The following ACCSL variants were observed in gnomAD, a reference collection of about 807,000 sequenced individuals.
ACCSL encodes 1-aminocyclopropane-1-carboxylate synthase homolog (inactive) like.
In ACCSL, 55 loss-of-function variants were observed where a neutral mutation model predicts 61.7. The observed-to-expected ratio is 0.89, with a 90% CI of 0.72 to 1.12. ACCSL has a LOEUF of 1.12. Ranked by LOEUF, ACCSL falls within the 50% of genes most tolerant of loss-of-function variation. The pLI is 0.00. For synonymous variants in ACCSL, 258 were observed against 264.3 expected (o/e 0.98, Z 0.23); for missense variants, 632 against 698.0 (o/e 0.91, Z 1.07).
the ACCSL span, among the ~76,000 whole-genome samples, chr11:43,988,051 G>A: frequency 6.6e-6 from 1 of 152,094 alleles, no homozygotes; most frequent in Admixed American, 6.5e-5. Flanking sequence ...AAGGATGAAT[G>A]TCCCTGATGC....
chr11:44,040,569 TA>T, the ACCSL span, among the ~76,000 whole-genome samples: 1 of 152,146 alleles, frequency 6.6e-6, no homozygotes, highest in South Asian at 2.1e-4. Flanking sequence ...GCCACAGTGG[TA>T]AACACATTCA....
chr11:43,997,922 G>A, the ACCSL span, among the ~76,000 whole-genome samples: 1 of 152,202 alleles, frequency 6.6e-6, no homozygotes, highest in African/African-American at 2.4e-5. Context: ...GGGAGAAGAG[G>A]TAGGAAACAG....
chr11:43,932,836 C>G, the ACCSL span, among the ~76,000 whole-genome samples: 1 of 152,364 alleles, frequency 6.6e-6, no homozygotes, highest in South Asian at 2.1e-4. Flanking sequence ...CTTCCCAGAA[C>G]TCGGAAGCGG....
At chr11:44,028,294 C>T in the ACCSL span, among the ~76,000 whole-genome samples, 179 of 152,132 alleles carry the variant, frequency 1.2e-3, 2 homozygotes, top group African/African-American at 4.1e-3. Context: ...CCCACAAGCC[C>T]TCAATTCTGA....
chr11:43,960,588 T>A, the ACCSL span, among the ~76,000 whole-genome samples: 1 of 152,160 alleles, frequency 6.6e-6, no homozygotes, highest in South Asian at 2.1e-4. Context: ...TTTCACCATG[T>A]TGGCCAGGCT....
the ACCSL span, among the ~76,000 whole-genome samples, chr11:43,982,899 C>T: frequency 1.9e-4 from 29 of 152,274 alleles, no homozygotes; most frequent in Middle Eastern, 6.8e-3. Context: ...CGGTGGGCTG[C>T]GGTACAGCTG....
chr11:43,978,240 C>T, the ACCSL span, among the ~76,000 whole-genome samples: 10 of 151,944 alleles, frequency 6.6e-5, no homozygotes, highest in Admixed American at 3.9e-4. Flanking sequence ...AAACTCCTGA[C>T]CTCAAGTGAT....
At chr11:43,980,303 G>C in the ACCSL span, among the ~76,000 whole-genome samples, 1 of 152,218 alleles carries the variant, frequency 6.6e-6, no homozygotes, top group Non-Finnish European at 1.5e-5. Context: ...ATTTCTGTAG[G>C]AGATGTTCTC....
At chr11:43,937,298 T>G in the ACCSL span, among the ~76,000 whole-genome samples, 3 of 152,124 alleles carry the variant, frequency 2.0e-5, no homozygotes, top group African/African-American at 7.2e-5. Flanking sequence ...AAGAAGACCC[T>G]TTAGATAATG....
chr11:43,951,756 C>T, the ACCSL span, among the ~76,000 whole-genome samples: 1 of 152,138 alleles, frequency 6.6e-6, no homozygotes, highest in Non-Finnish European at 1.5e-5. Context: ...GTAATCCCAC[C>T]CTGGGAGGCC....
chr11:44,050,929 C>T (rs1952633657), intron 3 of ACCSL, among the ~76,000 whole-genome samples: 1 of 151,104 alleles, frequency 6.6e-6, no homozygotes, highest in Non-Finnish European at 1.5e-5. Context: ...GCAGGCTCTG[C>T]CCCCTGGGTT....
the ACCSL span, among the ~76,000 whole-genome samples, chr11:43,930,056 G>T: frequency 6.6e-6 from 1 of 152,184 alleles, no homozygotes; most frequent in African/African-American, 2.4e-5. Context: ...AGAAGGAGCA[G>T]CCCTGAGAGG....
rs749632904 is a variant in ACCSL at position 44,056,071 on chromosome 11, T to A, written c.1171T>A (p.Trp391Arg). Reference sequence around the variant, plus strand: ...TGATAGCAACAGGACCCATGTGATCTGGGGTACCAGTAAGGTGAGCCATTG... The same window carrying A: ...TGATAGCAACAGGACCCATGTGATCAGGGGTACCAGTAAGGTGAGCCATTG... ...LPDSNRTHVIWGTSKDFGISG... is the reference protein window; with the variant it reads ...LPDSNRTHVIRGTSKDFGISG... The change falls in exon 10 of 14, where the codon TGG becomes AGG. Residue 391 changes from tryptophan (W) to arginine (R), a missense_variant. Transcript: ENST00000378832. The A allele has an allele frequency of 3.7e-6, 6 of 1,614,244 alleles. No individual in the cohort carries two copies. The Admixed American group carries it at 8.3e-5, about 22-fold the overall frequency.
the ACCSL span, among the ~76,000 whole-genome samples, chr11:44,042,958 C>T: frequency 6.6e-5 from 10 of 151,738 alleles, no homozygotes; most frequent in South Asian, 1.2e-3. Context: ...TGGTGTGTGC[C>T]TGTGATACCA....
the ACCSL span, among the ~76,000 whole-genome samples, chr11:43,970,486 G>T: frequency 0.049 from 7,491 of 152,186 alleles, 517 homozygotes; most frequent in Admixed American, 0.19. Flanking sequence ...TTACAGACGT[G>T]GGCAACCATG....
the ACCSL span, among the ~76,000 whole-genome samples, chr11:43,978,778 G>T: frequency 6.6e-3 from 884 of 134,118 alleles, 12 homozygotes; most frequent in African/African-American, 0.024. Flanking sequence ...CACCTGAGAA[G>T]GTGGGTTTTT....
the ACCSL span, among the ~76,000 whole-genome samples, chr11:43,998,165 G>A: frequency 0.14 from 20,878 of 152,204 alleles, 1,848 homozygotes; most frequent in East Asian, 0.31. Flanking sequence ...GGTTGAATGA[G>A]ACAAGGTGTG....
rs752133953 is a variant in ACCSL, at chr11:44,051,334, G to T, written c.636-1G>T. On this transcript the variant is annotated splice_acceptor_variant, in intron 3 of 13. Coordinates refer to ENST00000378832, the MANE Select transcript of ACCSL (RefSeq NM_001031854.2). LOFTEE classifies it high-confidence loss of function. ...CAAGGTCTCTCTGGGTCTGTTTACAGCCTGCGGGAAGAAGTGGCCCGGTTC... is the reference window on the plus strand; with the variant it reads ...CAAGGTCTCTCTGGGTCTGTTTACATCCTGCGGGAAGAAGTGGCCCGGTTC... 18 of 1,614,112 alleles carry T rather than the reference G, an allele frequency of 1.1e-5. No individual in the cohort carries two copies. In the East Asian group the frequency reaches 4.0e-4, roughly 36 times the overall value.
chr11:44,054,784 T>C (rs191133469), intron 8 of ACCSL, among the ~76,000 whole-genome samples: 1 of 152,122 alleles, frequency 6.6e-6, no homozygotes, highest in Non-Finnish European at 1.5e-5. Context: ...AAAATGGAGA[T>C]GACAGTACTG....
Sources: allele counts gnomAD v4.1 joint callset (sites outside exome capture counted in the v4.1 genomes callset), GRCh38; gene constraint gnomAD v4.1.1; transcripts MANE v1.5; gene names NCBI Gene and HGNC (gene_info 2026-07-23, HGNC 2026-07-21).